AKAP19: variants seen among roughly 807,000 people sequenced by gnomAD.
The protein encoded by AKAP19 is A-kinase anchoring protein 19, also known as small A-kinase anchoring protein.
chr2:190,175,000 T>G, the AKAP19 span, among the ~76,000 whole-genome samples: 11,181 of 65,242 alleles, frequency 0.17, 584 homozygotes, highest in African/African-American at 0.21. Flanking sequence ...GATACATAGA[T>G]TACATGGAGT....
chr2:189,953,225 G>A, the AKAP19 span, among the ~76,000 whole-genome samples: 1 of 152,070 alleles, frequency 6.6e-6, no homozygotes, highest in Non-Finnish European at 1.5e-5. Flanking sequence ...AATATAATCC[G>A]AATATGTAGT....
the AKAP19 span, among the ~76,000 whole-genome samples, chr2:190,031,319 C>T: frequency 6.6e-6 from 1 of 152,166 alleles, no homozygotes; most frequent in Admixed American, 6.5e-5. Flanking sequence ...TCTTGAATCC[C>T]ATGCTAATTA....
At chr2:190,165,495 G>GA in the AKAP19 span, among the ~76,000 whole-genome samples, 103 of 151,612 alleles carry the variant, frequency 6.8e-4, no homozygotes, top group South Asian at 2.9e-3. Context: ...TTCAAGAAAT[G>GA]AAAAAAAATA....
At chr2:190,058,199 G>C in the AKAP19 span, among the ~76,000 whole-genome samples, 3 of 151,958 alleles carry the variant, frequency 2.0e-5, no homozygotes, top group Non-Finnish European at 4.4e-5. Context: ...TCTTTCACTG[G>C]AAAATGTTTC....
the AKAP19 span, among the ~76,000 whole-genome samples, chr2:190,038,274 A>G: frequency 2.0e-5 from 3 of 152,146 alleles, no homozygotes; most frequent in Non-Finnish European, 2.9e-5. Context: ...TGTCATCCAC[A>G]TCTAAACTTA....
At chr2:190,182,262 G>A in the AKAP19 span, among the ~76,000 whole-genome samples, 1 of 152,130 alleles carries the variant, frequency 6.6e-6, no homozygotes, top group Non-Finnish European at 1.5e-5. Flanking sequence ...TTTCTCATTA[G>A]TCCTACCTGG....
chr2:189,930,379 G>A, the AKAP19 span: 15 of 392,504 alleles, frequency 3.8e-5, no homozygotes, highest in East Asian at 8.6e-4. Context: ...GTACATGCAC[G>A]GTAGAAATTG....
chr2:190,173,865 T>C, the AKAP19 span, among the ~76,000 whole-genome samples: 7 of 152,226 alleles, frequency 4.6e-5, no homozygotes, highest in African/African-American at 7.2e-5. Flanking sequence ...AGCTTCCCTG[T>C]TCTTTGTTCT....
chr2:190,062,132 TG>T, the AKAP19 span: 1 of 1,383,788 alleles, frequency 7.2e-7, no homozygotes, highest in Admixed American at 1.8e-5. Context: ...GCCAACAGCT[TG>T]TTTAAAAGAG....
At chr2:190,097,057 T>A in the AKAP19 span, among the ~76,000 whole-genome samples, 7 of 152,166 alleles carry the variant, frequency 4.6e-5, no homozygotes, top group Non-Finnish European at 7.3e-5. Flanking sequence ...AATTTCCAAG[T>A]CTCAAAATTT....
chr2:189,915,639 A>G, the AKAP19 span, among the ~76,000 whole-genome samples: 1 of 152,124 alleles, frequency 6.6e-6, no homozygotes, highest in Non-Finnish European at 1.5e-5. Flanking sequence ...ATTTCACCAG[A>G]TGGTTACTTA....
At chr2:189,950,005 T>G in the AKAP19 span, among the ~76,000 whole-genome samples, 1 of 149,888 alleles carries the variant, frequency 6.7e-6, no homozygotes, top group South Asian at 2.1e-4. Flanking sequence ...ATCAATCATG[T>G]TATCTTAGTT....
the AKAP19 span, among the ~76,000 whole-genome samples, chr2:190,198,618 T>TAAGA: frequency 9.1e-5 from 9 of 98,980 alleles, no homozygotes; most frequent in African/African-American, 1.7e-4. Flanking sequence ...GTTAACAGAG[T>TAAGA]AAGACCCTGT....
the AKAP19 span, among the ~76,000 whole-genome samples, chr2:189,911,102 T>G: frequency 2.0e-5 from 3 of 151,950 alleles, no homozygotes; most frequent in South Asian, 2.1e-4. Context: ...GAAAGAAAGG[T>G]GGAAGGAAAG....
chr2:190,119,079 C>A, the AKAP19 span, among the ~76,000 whole-genome samples: 1 of 152,174 alleles, frequency 6.6e-6, no homozygotes, highest in East Asian at 1.9e-4. Flanking sequence ...CAATAACAGA[C>A]AAACAGAGAG....
At chr2:189,961,793 C>T in the AKAP19 span, among the ~76,000 whole-genome samples, 1 of 151,742 alleles carries the variant, frequency 6.6e-6, no homozygotes, top group Non-Finnish European at 1.5e-5. Flanking sequence ...ACACCTGTAG[C>T]CCCAGCTACT....
At chr2:189,916,375 G>A in the AKAP19 span, among the ~76,000 whole-genome samples, 3 of 144,488 alleles carry the variant, frequency 2.1e-5, no homozygotes, top group Non-Finnish European at 3.0e-5. Flanking sequence ...AGGCTGGAGT[G>A]CAATGGCAGG....
chr2:190,106,903 T>C, the AKAP19 span, among the ~76,000 whole-genome samples: 2 of 152,208 alleles, frequency 1.3e-5, no homozygotes, highest in African/African-American at 4.8e-5. Context: ...TGACCATCAC[T>C]GAGGAACAGC....
At chr2:190,172,949 C>T in the AKAP19 span, among the ~76,000 whole-genome samples, 2 of 151,998 alleles carry the variant, frequency 1.3e-5, no homozygotes, top group Non-Finnish European at 2.9e-5. Flanking sequence ...CCCGTCCCAA[C>T]TAAAATTACA....
Sources: allele counts gnomAD v4.1 joint callset (sites outside exome capture counted in the v4.1 genomes callset), GRCh38; gene constraint gnomAD v4.1.1; transcripts MANE v1.5; gene names NCBI Gene and HGNC (gene_info 2026-07-23, HGNC 2026-07-21).